The following TMEM117 variants were observed in gnomAD, a reference collection of about 807,000 sequenced individuals.
The protein encoded by TMEM117 is transmembrane protein 117.
Under a neutral mutation model 52.4 loss-of-function variants are expected in TMEM117, and 27 were observed. That is an observed-to-expected ratio of 0.51 (90% CI 0.38 to 0.71). The LOEUF is 0.71. Ranked by LOEUF, TMEM117 falls within the 30% of genes least tolerant of loss-of-function variation. The pLI, the probability that TMEM117 is intolerant of heterozygous loss-of-function variation, is 0.00. For synonymous variants in TMEM117, 215 were observed against 206.3 expected, an observed-to-expected ratio of 1.04 and a Z score of -0.36; for missense variants, 556 against 630.5, an observed-to-expected ratio of 0.88 and a Z score of 1.26.
intron 2 of TMEM117, among the ~76,000 whole-genome samples, chr12:43,883,934 T>C (rs1358488656): frequency 6.6e-6 from 1 of 151,952 alleles, no homozygotes; most frequent in African/African-American, 2.4e-5. Context: ...CCCAAGAGTA[T>C]GAGACCAGCC....
chr12:44,334,802 G>A (rs1478073829), intron 6 of TMEM117, among the ~76,000 whole-genome samples: 2 of 151,894 alleles, frequency 1.3e-5, no homozygotes, highest in African/African-American at 2.4e-5. Flanking sequence ...AAAAAGTACT[G>A]TTTCATGAGT....
intron 4 of TMEM117, among the ~76,000 whole-genome samples, chr12:44,183,519 C>T (rs1041035384): frequency 6.6e-6 from 1 of 152,144 alleles, no homozygotes; most frequent in Non-Finnish European, 1.5e-5. Context: ...TTGATGTAAA[C>T]ATTAACTGGA....
chr12:44,007,412 T>C (rs2087710774), intron 3 of TMEM117, among the ~76,000 whole-genome samples: 1 of 152,200 alleles, frequency 6.6e-6, no homozygotes, highest in South Asian at 2.1e-4. Flanking sequence ...TCTTTTTTTT[T>C]CTTGCCTAAG....
At chr12:44,078,258 G>A (rs891854016) in intron 3 of TMEM117, among the ~76,000 whole-genome samples, 17 of 152,204 alleles carry the variant, frequency 1.1e-4, no homozygotes, top group Admixed American at 1.3e-4. Flanking sequence ...ATATGCCAAC[G>A]ACAGAAATAT....
chr12:43,806,978 G>A, the TMEM117 span, among the ~76,000 whole-genome samples: 1 of 152,206 alleles, frequency 6.6e-6, no homozygotes, highest in African/African-American at 2.4e-5. Context: ...CTTTAGGTTG[G>A]CAGTTTATTA....
At chr12:43,889,525 A>T (rs929259453) in intron 2 of TMEM117, among the ~76,000 whole-genome samples, 2 of 152,236 alleles carry the variant, frequency 1.3e-5, no homozygotes, top group African/African-American at 4.8e-5. Flanking sequence ...CCAGCCACTC[A>T]TCTGCTGCGC....
intron 3 of TMEM117, among the ~76,000 whole-genome samples, chr12:44,048,693 G>A (rs913062361): frequency 2.0e-5 from 3 of 152,176 alleles, no homozygotes; most frequent in Non-Finnish European, 2.9e-5. Context: ...TATCCATTGC[G>A]TGAGAGTATT....
chr12:44,279,615 G>T (rs1950554123), intron 5 of TMEM117, among the ~76,000 whole-genome samples: 1 of 150,144 alleles, frequency 6.7e-6, no homozygotes, highest in African/African-American at 2.5e-5. Flanking sequence ...CCAGGTTCAA[G>T]CCATTCTCCT....
At chr12:43,854,926 C>T (rs970081422) in intron 2 of TMEM117, among the ~76,000 whole-genome samples, 10 of 152,206 alleles carry the variant, frequency 6.6e-5, no homozygotes, top group African/African-American at 1.9e-4. Context: ...CGTGAGCCAC[C>T]GCTCCTGGCC....
intron 2 of TMEM117, among the ~76,000 whole-genome samples, chr12:43,888,543 C>CTTTTTTTTT (rs147186370): frequency 3.3e-5 from 3 of 92,206 alleles, no homozygotes; most frequent in African/African-American, 1.1e-4. Context: ...CATTAGTTTT[C>CTTTTTTTTT]TTTTTTTTTT....
chr12:44,232,439 T>C (rs2138455807), intron 5 of TMEM117, among the ~76,000 whole-genome samples: 1 of 151,660 alleles, frequency 6.6e-6, no homozygotes, highest in Admixed American at 6.6e-5. Context: ...GGTCTATTTT[T>C]TAATTGGCCT....
At chr12:44,261,326 C>T (rs559000470) in intron 5 of TMEM117, among the ~76,000 whole-genome samples, 13 of 152,282 alleles carry the variant, frequency 8.5e-5, no homozygotes, top group South Asian at 6.2e-4. Flanking sequence ...GATTCAAACA[C>T]GACTCTGCCT....
At chr12:44,015,507 T>G (rs1946361111) in intron 3 of TMEM117, among the ~76,000 whole-genome samples, 1 of 152,134 alleles carries the variant, frequency 6.6e-6, no homozygotes, top group Non-Finnish European at 1.5e-5. Flanking sequence ...TTTTTGTCCA[T>G]GTTGAAATGA....
In TMEM117 at chr12:44,188,761, C is replaced by CT. The variant is rs1354154345; in HGVS notation, c.511-22521dup. ...TGTCTTAGCAGGCTTAATTCTTTTTCTTTTTTTTCATGTCATTTGTTGCCT... is the reference window on the plus strand; with the variant it reads ...TGTCTTAGCAGGCTTAATTCTTTTTCTTTTTTTTTCATGTCATTTGTTGCCT... On this transcript the variant is annotated intron_variant, in intron 4 of 7. Coordinates refer to ENST00000266534, the MANE Select transcript of TMEM117 (RefSeq NM_032256.3). Among the ~76,000 whole-genome samples the CT allele has an allele frequency of 6.6e-5, 10 of 152,002 alleles. No homozygotes were observed. In the East Asian group the frequency reaches 1.2e-3, roughly 18 times the overall value.
the TMEM117 span, chr12:43,796,847 T>G: frequency 1.0e-6 from 1 of 980,246 alleles, no homozygotes; most frequent in Non-Finnish European, 1.5e-6. Flanking sequence ...TTAGAGGAGA[T>G]CCTAAGGATT....
intron 3 of TMEM117, among the ~76,000 whole-genome samples, chr12:43,992,464 G>C (rs1945959341): frequency 6.6e-6 from 1 of 151,900 alleles, no homozygotes; most frequent in African/African-American, 2.4e-5. Flanking sequence ...ACTTTTTGTA[G>C]ACACGGGTCT....
At position 43,952,287 on chromosome 12, in the gene TMEM117, G is replaced by A. The variant is rs140517455; in HGVS notation, c.410+7945G>A. Among the ~76,000 whole-genome samples the A allele has an allele frequency of 7.0e-3, 1,061 of 152,222 alleles. 11 individuals are homozygous for A. The highest frequency in any genetic ancestry group is 0.023 in the African/African-American group (958 of 41,530). On this transcript the variant is annotated intron_variant, in intron 3 of 7. Coordinates refer to ENST00000266534, the MANE Select transcript of TMEM117 (RefSeq NM_032256.3). Reference sequence around the variant, plus strand: ...AACAGCACAGAACAGGGCTGAAGCTGAGATGGATGAACTGACAGAAGTAGG... The same window carrying A: ...AACAGCACAGAACAGGGCTGAAGCTAAGATGGATGAACTGACAGAAGTAGG...
rs1950944067 is a variant in TMEM117, at chr12:44,309,369, G to A, written c.768+9630G>A. On this transcript the variant is annotated intron_variant, in intron 6 of 7. Coordinates refer to ENST00000266534, the MANE Select transcript of TMEM117 (RefSeq NM_032256.3). ...TCAAGGTTTATTAACTCTGGAGTTG[G>A]ACGTGAAGAGGCACGTTGGAGAATG... Among the ~76,000 whole-genome samples, 5 of 152,256 alleles carry A rather than the reference G, an allele frequency of 3.3e-5. No individual in the cohort carries two copies. The South Asian group carries it at 1.0e-3, about 32-fold the overall frequency.
chr12:44,014,737 C>A (rs1946347755), intron 3 of TMEM117, among the ~76,000 whole-genome samples: 2 of 151,986 alleles, frequency 1.3e-5, no homozygotes, highest in African/African-American at 2.4e-5. Context: ...CTATTTTTTC[C>A]CCTTGGTGTT....
Sources: allele counts gnomAD v4.1 joint callset (sites outside exome capture counted in the v4.1 genomes callset), GRCh38; gene constraint gnomAD v4.1.1; transcripts MANE v1.5; gene names NCBI Gene and HGNC (gene_info 2026-07-23, HGNC 2026-07-21).